The following OXR1 variants were observed in gnomAD, a reference collection of about 807,000 sequenced individuals.
OXR1 encodes oxidation resistance 1.
A neutral mutation model predicts 104.6 loss-of-function variants in OXR1; 41 were observed. The observed-to-expected ratio is 0.39, with a 90% confidence interval of 0.31 to 0.51. OXR1 has a LOEUF of 0.51. OXR1 is among the 20% of genes least tolerant of loss of function. The pLI, the probability that OXR1 is intolerant of heterozygous loss-of-function variation, is 0.77. For synonymous variants in OXR1, 348 were observed against 348.4 expected (o/e 1.00, Z 0.01); for missense variants, 955 against 1,031.9 (o/e 0.93, Z 1.02).
In OXR1 at chr8:106,737,545, G is replaced by A. The variant is rs528049194; in HGVS notation, c.1982G>A (p.Arg661His). Reference sequence around the variant, plus strand: ...GTAGTGTCAGTGGCTGAGTATCACCGCAGGATCGATGCTCTAAATACTGAA... The same window carrying A: ...GTAGTGTCAGTGGCTGAGTATCACCACAGGATCGATGCTCTAAATACTGAA... ...WEVVSVAEYH[R>H]RIDALNTEEL... Residue 661 changes from arginine (R) to histidine (H), a missense_variant, in exon 12 of 17, where the codon CGC becomes CAC. Arg to His is a conservative substitution (Grantham distance 29). Transcript: ENST00000517566. The A allele has an allele frequency of 6.3e-5, 85 of 1,338,644 alleles. No homozygotes were observed. Among genetic ancestry groups the A allele is most frequent in the African/African-American group, 4.3e-4 (27 of 62,734 alleles). 82.9% of individuals were successfully genotyped at this position (1,338,644 alleles called of 1,614,324 possible). A position where few individuals can be genotyped will look rare whatever the true frequency, so the allele number is the denominator to read the frequency against.
At chr8:106,698,495 T>C (rs959966580) in intron 7 of OXR1, among the ~76,000 whole-genome samples, 5 of 152,168 alleles carry the variant, frequency 3.3e-5, no homozygotes, top group Non-Finnish European at 7.3e-5. Context: ...CCATCCTCTC[T>C]TTCCTCTTCT....
At chr8:106,466,566 A>G (rs1821181433) in intron 2 of OXR1, among the ~76,000 whole-genome samples, 1 of 151,858 alleles carries the variant, frequency 6.6e-6, no homozygotes, top group South Asian at 2.1e-4. Context: ...ATAAGAATGT[A>G]ATGTATTTCC....
intron 1 of OXR1, among the ~76,000 whole-genome samples, chr8:106,343,748 A>T (rs1486838613): frequency 6.6e-6 from 1 of 152,252 alleles, no homozygotes; most frequent in Non-Finnish European, 1.5e-5. Context: ...ACAGTAGGAA[A>T]GCGACTACTT....
At chr8:106,723,598 G>A (rs1266794069) in intron 11 of OXR1, among the ~76,000 whole-genome samples, 2 of 151,882 alleles carry the variant, frequency 1.3e-5, no homozygotes, top group Non-Finnish European at 2.9e-5. Context: ...CTTGAACCCA[G>A]GAGGCGGAGG....
intron 3 of OXR1, among the ~76,000 whole-genome samples, chr8:106,655,536 C>T (rs1824976634): frequency 6.6e-6 from 1 of 151,936 alleles, no homozygotes; most frequent in African/African-American, 2.4e-5. Flanking sequence ...ATAAAGACCT[C>T]CTTCTAAAGC....
intron 7 of OXR1, chr8:106,697,784 C>T: frequency 2.5e-6 from 4 of 1,612,860 alleles, no homozygotes; most frequent in Non-Finnish European, 3.4e-6. Flanking sequence ...ATCTTCTTTA[C>T]TGGGACCTGC....
chr8:106,743,479 C>T (rs1299774683), intron 15 of OXR1, among the ~76,000 whole-genome samples: 1 of 152,126 alleles, frequency 6.6e-6, no homozygotes, highest in African/African-American at 2.4e-5. Context: ...ACACACCATG[C>T]CTGGCTAATT....
chr8:106,523,797 C>T (rs546004638), intron 3 of OXR1, among the ~76,000 whole-genome samples: 23 of 147,268 alleles, frequency 1.6e-4, no homozygotes, highest in Non-Finnish European at 3.1e-4. Context: ...TTTTTTGAGA[C>T]GGAGTCTCGC....
In OXR1 at chr8:106,452,066, A is replaced by G. The variant is rs79591445; in HGVS notation, c.24-66877A>G. Reference sequence around the variant, plus strand: ...CTAGCCGACATATTGTATGCAGGACACATGGAACATAGTCTAGCTCCTAAC... The same window carrying G: ...CTAGCCGACATATTGTATGCAGGACGCATGGAACATAGTCTAGCTCCTAAC... On this transcript the variant is annotated intron_variant, in intron 2 of 16. Coordinates refer to ENST00000517566, the MANE Select transcript of OXR1 (RefSeq NM_001198533.2). Among the ~76,000 whole-genome samples the G allele has an allele frequency of 3.9e-3, 589 of 152,326 alleles. 3 individuals are homozygous for G. The highest frequency in any genetic ancestry group is 0.013 in the African/African-American group (556 of 41,594).
chr8:106,659,833 T>C (rs573749686), intron 3 of OXR1, among the ~76,000 whole-genome samples: 1 of 152,316 alleles, frequency 6.6e-6, no homozygotes, highest in East Asian at 1.9e-4. Context: ...TGTGTTTATA[T>C]ATGTGGAGCA....
intron 3 of OXR1, among the ~76,000 whole-genome samples, chr8:106,630,623 C>A (rs959486288): frequency 6.6e-6 from 1 of 152,038 alleles, no homozygotes; most frequent in Non-Finnish European, 1.5e-5. Context: ...GAAGGGGAAG[C>A]GGGTTGTTTA....
intron 7 of OXR1, among the ~76,000 whole-genome samples, chr8:106,694,667 T>C (rs1829701742): frequency 9.0e-6 from 1 of 111,730 alleles, no homozygotes; most frequent in Admixed American, 1.1e-4. Context: ...TATAAATATA[T>C]GTTTATATAT....
chr8:106,644,196 C>T (rs1303366615), intron 3 of OXR1, among the ~76,000 whole-genome samples: 2 of 152,124 alleles, frequency 1.3e-5, no homozygotes, highest in Non-Finnish European at 2.9e-5. Flanking sequence ...GTTGGTTTTC[C>T]TCTGGTTGTA....
At chr8:106,278,566 G>A (rs966781519) in intron 1 of OXR1, among the ~76,000 whole-genome samples, 18 of 151,898 alleles carry the variant, frequency 1.2e-4, no homozygotes, top group African/African-American at 4.1e-4. Context: ...GTTGAATGCA[G>A]TCTCTTAAAT....
chr8:106,323,707 A>T (rs1385318132), intron 1 of OXR1, among the ~76,000 whole-genome samples: 1 of 152,200 alleles, frequency 6.6e-6, no homozygotes, highest in Non-Finnish European at 1.5e-5. Context: ...AAGGACATGA[A>T]CAGATACTTC....
chr8:106,556,467 A>G (rs1046185403), intron 3 of OXR1, among the ~76,000 whole-genome samples: 2 of 152,174 alleles, frequency 1.3e-5, no homozygotes, highest in Admixed American at 1.3e-4. Flanking sequence ...GTAAACATCA[A>G]GAAGTAGAGA....
intron 1 of OXR1, among the ~76,000 whole-genome samples, chr8:106,327,444 A>G (rs1224203422): frequency 6.6e-6 from 1 of 152,242 alleles, no homozygotes; most frequent in African/African-American, 2.4e-5. Flanking sequence ...TTTCTGATTA[A>G]TTGGGAGTAC....
intron 2 of OXR1, among the ~76,000 whole-genome samples, chr8:106,513,365 T>G (rs369279520): frequency 4.3e-4 from 66 of 152,184 alleles, no homozygotes; most frequent in African/African-American, 1.6e-3. Flanking sequence ...GGTTTCCATC[T>G]ATGCTCCTGA....
intron 2 of OXR1, among the ~76,000 whole-genome samples, chr8:106,367,359 G>A (rs754954175): frequency 3.1e-4 from 47 of 151,820 alleles, no homozygotes; most frequent in Non-Finnish European, 5.9e-4. Context: ...CACCACGCCC[G>A]ATCTATGTTC....
Sources: allele counts gnomAD v4.1 joint callset (sites outside exome capture counted in the v4.1 genomes callset), GRCh38; gene constraint gnomAD v4.1.1; transcripts MANE v1.5; gene names NCBI Gene and HGNC (gene_info 2026-07-23, HGNC 2026-07-21).